The following DLG1 variants were observed in gnomAD, a reference collection of about 807,000 sequenced individuals.
DLG1 encodes the protein discs large MAGUK scaffold protein 1.
DLG1 carries 42 observed loss-of-function variants against 123.4 expected under a neutral mutation model. The observed-to-expected ratio is 0.34, with a 90% CI of 0.27 to 0.44. DLG1 has a LOEUF of 0.44. Ranked by LOEUF, DLG1 falls within the 20% of genes least tolerant of loss-of-function variation. The pLI, the probability that DLG1 is intolerant of heterozygous loss-of-function variation, is 1.00. For synonymous variants in DLG1, 317 were observed against 356.2 expected (o/e 0.89, Z 1.24); for missense variants, 942 against 1,082.6 (o/e 0.87, Z 1.82).
At chr3:197,048,958 C>T (rs1177909390) in intron 24 of DLG1, among the ~76,000 whole-genome samples, 1 of 152,092 alleles carries the variant, frequency 6.6e-6, no homozygotes, top group Non-Finnish European at 1.5e-5. Flanking sequence ...TGCCCAGCCA[C>T]CTCAAAAAAT....
Position 197,298,009 on chromosome 3 carries a change from C to T in DLG1, c.-32+527G>A, listed in dbSNP as rs1256644911. ...CCTTCTCGGCCGCGCCGCCTCCTCG[C>T]TCGCCGCGGCCCCCCGGCCCGCTCG... is the stretch of plus-strand genomic sequence containing the variant. On this transcript the variant is annotated intron_variant, in intron 1 of 24. Coordinates refer to ENST00000667157, the MANE Select transcript of DLG1 (RefSeq NM_001366207.1). The T allele has an allele frequency of 3.6e-6, 3 of 835,332 alleles. No homozygotes were observed. The East Asian group carries it at 3.7e-4, about 102-fold the overall frequency. 51.7% of individuals were successfully genotyped at this position (835,332 alleles called of 1,614,324 possible).
At chr3:197,150,718 A>C (rs1793439457) in intron 5 of DLG1, among the ~76,000 whole-genome samples, 1 of 152,140 alleles carries the variant, frequency 6.6e-6, no homozygotes, top group Non-Finnish European at 1.5e-5. Context: ...ACTGTAACAC[A>C]AAATAACCAT....
chr3:197,241,465 AC>A (rs753861812), intron 4 of DLG1, among the ~76,000 whole-genome samples: 4 of 152,198 alleles, frequency 2.6e-5, no homozygotes, highest in Non-Finnish European at 5.9e-5. Context: ...AACTAAAAAA[AC>A]ATTTGAAGGT....
At chr3:197,080,482 G>A (rs1466100039) in intron 17 of DLG1, 1 of 109,366 alleles carries the variant, frequency 9.1e-6, no homozygotes, top group Non-Finnish European at 1.8e-5. Context: ...TTTTTTAAGA[G>A]ATTGGGTCTC....
chr3:197,295,066 G>A (rs1776776300), intron 3 of DLG1, among the ~76,000 whole-genome samples: 1 of 152,224 alleles, frequency 6.6e-6, no homozygotes, highest in East Asian at 1.9e-4. Context: ...CATCCATTCG[G>A]ACCTTAAACC....
chr3:197,212,098 TG>T (rs1731535320), intron 4 of DLG1, among the ~76,000 whole-genome samples: 1 of 143,710 alleles, frequency 7.0e-6, no homozygotes, highest in African/African-American at 2.5e-5. Flanking sequence ...GGGTGGAGAG[TG>T]GGAGGAGGGA....
chr3:197,184,634 C>G (rs1714702554), intron 5 of DLG1, among the ~76,000 whole-genome samples: 1 of 152,144 alleles, frequency 6.6e-6, no homozygotes, highest in African/African-American at 2.4e-5. Context: ...CTTCTGGAAC[C>G]TTTATGATAA....
intron 5 of DLG1, among the ~76,000 whole-genome samples, chr3:197,166,414 T>C (rs1801433195): frequency 6.6e-6 from 1 of 152,128 alleles, no homozygotes; most frequent in African/African-American, 2.4e-5. Context: ...ATTGGAGGTA[T>C]TGGTATAAAC....
chr3:197,168,543 A>C (rs551955925), intron 5 of DLG1, among the ~76,000 whole-genome samples: 20 of 152,356 alleles, frequency 1.3e-4, no homozygotes, highest in Admixed American at 1.2e-3. Context: ...GAGCTGTATA[A>C]GATTCTAAAT....
chr3:197,045,233 C>CTTGT (rs1722110979), intron 24 of DLG1, among the ~76,000 whole-genome samples: 2 of 151,380 alleles, frequency 1.3e-5, no homozygotes, highest in African/African-American at 4.9e-5. Context: ...CCTAAGCTAG[C>CTTGT]TTGTTAGTGG....
chr3:197,073,802 CA>C (rs1224883668), intron 18 of DLG1, among the ~76,000 whole-genome samples: 1 of 151,760 alleles, frequency 6.6e-6, no homozygotes, highest in Non-Finnish European at 1.5e-5. Flanking sequence ...AGCAGATATA[CA>C]TTTTTTTTTT....
chr3:197,113,462 A>T (rs1415918528), intron 13 of DLG1, among the ~76,000 whole-genome samples: 2 of 152,188 alleles, frequency 1.3e-5, no homozygotes, highest in East Asian at 1.9e-4. Flanking sequence ...TGTCTTCTTG[A>T]TGAAATGACA....
intron 4 of DLG1, among the ~76,000 whole-genome samples, chr3:197,236,119 G>T (rs1301432478): frequency 6.6e-6 from 1 of 152,068 alleles, no homozygotes; most frequent in African/African-American, 2.4e-5. Context: ...TTCAAGAGTG[G>T]CATGAGCAAC....
chr3:197,230,208 T>C (rs1170216026), intron 4 of DLG1, among the ~76,000 whole-genome samples: 1 of 152,218 alleles, frequency 6.6e-6, no homozygotes, highest in Non-Finnish European at 1.5e-5. Flanking sequence ...AGATTAATGT[T>C]ATCAAAATGT....
intron 18 of DLG1, among the ~76,000 whole-genome samples, chr3:197,072,714 C>T (rs1560475119): frequency 6.7e-6 from 1 of 149,634 alleles, no homozygotes; most frequent in Non-Finnish European, 1.5e-5. Context: ...AAAAAAAAAA[C>T]CTGAGTCTTG....
At position 197,043,822 on chromosome 3, in the gene DLG1, G is replaced by GTATT. The variant is rs910959806; in HGVS notation, c.*797_*800dup. ...CACCACTGTAACGTCTGATTTATCTGTATTTATATCTAGGAAATTTTCTCA... is the reference window on the plus strand; with the variant it reads ...CACCACTGTAACGTCTGATTTATCTGTATTTATTTATATCTAGGAAATTTTCTCA... On this transcript the variant is annotated 3_prime_UTR_variant, in exon 25 of 25. Transcript: ENST00000667157. 2.0e-5 allele frequency: 3 copies of GTATT among 152,036 alleles called. No individual in the cohort carries two copies. Among genetic ancestry groups the GTATT allele is most frequent in the African/African-American group, 7.2e-5 (3 of 41,404 alleles). The allele number at this position is 152,036 out of a possible 1,614,324, so 9.4% of individuals were successfully genotyped here.
At position 197,075,902 on chromosome 3, in the gene DLG1, T is replaced by C. The variant is rs1183521726; in HGVS notation, c.2005+684A>G. 3 of 1,601,526 alleles carry C rather than the reference T, an allele frequency of 1.9e-6. No individual in the cohort carries two copies. In the South Asian group the frequency reaches 3.3e-5, roughly 18 times the overall value. On this transcript the variant is annotated intron_variant, in intron 18 of 24. Transcript: ENST00000667157. The stretch of plus-strand genomic sequence containing the variant: ...AGGGTAGTCCCCAGAGAGCAAGCAA[T>C]AAAAAGATAATCAAAGAAAATAGTT...
At chr3:197,274,489 A>C (rs1765428258) in intron 4 of DLG1, among the ~76,000 whole-genome samples, 1 of 151,018 alleles carries the variant, frequency 6.6e-6, no homozygotes, top group Non-Finnish European at 1.5e-5. Context: ...ACCTGAAAAG[A>C]TACAATACGA....
intron 24 of DLG1, among the ~76,000 whole-genome samples, chr3:197,045,060 A>C (rs1313467610): frequency 6.6e-6 from 1 of 152,194 alleles, no homozygotes; most frequent in East Asian, 1.9e-4. Context: ...CATATGTAGA[A>C]AAAAGGAAAC....
Sources: gnomAD v4.1 joint callset for allele counts (sites outside exome capture counted in the v4.1 genomes callset) on GRCh38, gnomAD v4.1.1 for gene constraint, MANE v1.5 for transcripts, NCBI Gene and HGNC (gene_info 2026-07-23, HGNC 2026-07-21) for gene names.